The following CCDC158 variants were observed in gnomAD, a reference collection of about 807,000 sequenced individuals.
CCDC158 encodes the protein coiled-coil domain-containing protein 158.
CCDC158 carries 116 observed loss-of-function variants against 138.6 expected under a neutral mutation model. That is an observed-to-expected ratio of 0.84 (90% CI 0.72 to 0.98). The LOEUF is 0.98. CCDC158 is among the 50% of genes least tolerant of loss of function. CCDC158 has a pLI of 0.00. For synonymous variants in CCDC158, 436 were observed against 442.4 expected, an observed-to-expected ratio of 0.99 and a Z score of 0.18; for missense variants, 1,265 against 1,306.1, an observed-to-expected ratio of 0.97 and a Z score of 0.48.
At chr4:76,405,367 T>G (rs1728734142) in intron 2 of CCDC158, among the ~76,000 whole-genome samples, 1 of 152,224 alleles carries the variant, frequency 6.6e-6, no homozygotes, top group African/African-American at 2.4e-5. Flanking sequence ...GTGCCTCTGC[T>G]GAGGATTCTA....
chr4:76,390,055 A>T (rs572722686), intron 4 of CCDC158, among the ~76,000 whole-genome samples: 1 of 152,332 alleles, frequency 6.6e-6, no homozygotes, highest in East Asian at 1.9e-4. Flanking sequence ...TAGTAAGCAC[A>T]CAGAACAATA....
chr4:76,314,149 A>G (rs1015008276), intron 24 of CCDC158, among the ~76,000 whole-genome samples: 1 of 152,164 alleles, frequency 6.6e-6, no homozygotes, highest in African/African-American at 2.4e-5. Context: ...ATTCCCCCTA[A>G]AAATATTTGT....
At chr4:76,330,513 C>G (rs1461600723) in intron 21 of CCDC158, among the ~76,000 whole-genome samples, 1 of 152,070 alleles carries the variant, frequency 6.6e-6, no homozygotes, top group Non-Finnish European at 1.5e-5. Context: ...TTTTAGGCTA[C>G]AAGAAAGATT....
intron 18 of CCDC158, among the ~76,000 whole-genome samples, chr4:76,334,490 T>C (rs1437639602): frequency 2.6e-5 from 4 of 152,194 alleles, no homozygotes; most frequent in Admixed American, 6.5e-5. Context: ...TATTTTCAAG[T>C]ACACCTGGAC....
chr4:76,342,204 T>G (rs1323409589), intron 18 of CCDC158, among the ~76,000 whole-genome samples: 1 of 151,276 alleles, frequency 6.6e-6, no homozygotes, highest in African/African-American at 2.5e-5. Context: ...CATGTCTGAA[T>G]AATTTTTTTA....
At chr4:76,400,005 A>G (rs1728200413) in intron 3 of CCDC158, among the ~76,000 whole-genome samples, 1 of 152,094 alleles carries the variant, frequency 6.6e-6, no homozygotes, top group Non-Finnish European at 1.5e-5. Flanking sequence ...AAAAGAGAGG[A>G]CCAGCATAGG....
chr4:76,367,199 A>G (rs1724758147), intron 12 of CCDC158, 95 bp downstream of exon 12: 1 of 1,325,524 alleles, frequency 7.5e-7, no homozygotes, highest in East Asian at 2.3e-5. Context: ...ACAGTTTCAG[A>G]GTGTCCACAG....
At chr4:76,340,912 C>T (rs1184302118) in intron 18 of CCDC158, among the ~76,000 whole-genome samples, 1 of 152,092 alleles carries the variant, frequency 6.6e-6, no homozygotes, top group African/African-American at 2.4e-5. Flanking sequence ...GGAACTGCTG[C>T]CTTAGGAGAC....
In CCDC158 at chr4:76,362,299, T is replaced by G; in HGVS notation, c.1847A>C (p.Lys616Thr). 1 of 1,611,674 alleles carries G rather than the reference T, an allele frequency of 6.2e-7. No homozygotes were observed. The highest frequency in any genetic ancestry group is 2.2e-5 in the East Asian group (1 of 44,878). The change falls in exon 13 of 25, where the codon AAA becomes ACA. Residue 616 changes from lysine to threonine, a missense_variant. Transcript: ENST00000682701. ...LKELKILKDK[K>T]DAKIRELEAR... ...CTCAAGCTCCCGGATCTTTGCATCT[T>G]TTTTATCTTTTAATATCTAAATATA...
At chr4:76,313,736 C>A (rs1213814268) in intron 24 of CCDC158, among the ~76,000 whole-genome samples, 1 of 152,222 alleles carries the variant, frequency 6.6e-6, no homozygotes, top group East Asian at 1.9e-4. Flanking sequence ...CCCAAGAGGT[C>A]ATTACCATAA....
At chr4:76,415,787 G>A (rs1200553242) in intron 1 of CCDC158, among the ~76,000 whole-genome samples, 1 of 152,176 alleles carries the variant, frequency 6.6e-6, no homozygotes, top group Admixed American at 6.5e-5. Flanking sequence ...TAACGGTAAT[G>A]CCAGTGTCTG....
chr4:76,367,208 A>G, intron 12 of CCDC158, 86 bp downstream of exon 12: 1 of 1,432,072 alleles, frequency 7.0e-7, no homozygotes, highest in South Asian at 1.4e-5. Flanking sequence ...GAGTGTCCAC[A>G]GATACCAAGA....
At chr4:76,372,858 T>C (rs1339496858) in intron 9 of CCDC158, among the ~76,000 whole-genome samples, 1 of 151,284 alleles carries the variant, frequency 6.6e-6, no homozygotes, top group Non-Finnish European at 1.5e-5. Flanking sequence ...CTATAGTTCT[T>C]TTTTTTTTGA....
In CCDC158 at chr4:76,355,332, C is replaced by T. The variant is rs2110188343; in HGVS notation, c.2278G>A (p.Ala760Thr). 1 of 1,610,048 alleles carries T rather than the reference C, an allele frequency of 6.2e-7. No homozygotes were observed. The highest frequency in any genetic ancestry group is 1.3e-5 in the African/African-American group (1 of 74,954). The change falls in exon 15 of 25, where the codon GCA becomes ACA. Residue 760 changes from alanine (A) to threonine (T), a missense_variant. Ala to Thr is a moderately conservative substitution (Grantham distance 58). Transcript: ENST00000682701. The stretch of plus-strand genomic sequence containing the variant: ...TGAGGACAGCAACCCACCTTATTTG[C>T]ATTTGTCATTGCCTCTTCCAAAAAC... ...IQFLEEAMTN[A>T]NKEKHFLKEE... is the part of the protein sequence containing the mutation.
chr4:76,359,978 A>C (rs566348077), intron 13 of CCDC158, among the ~76,000 whole-genome samples: 1 of 152,380 alleles, frequency 6.6e-6, no homozygotes, highest in African/African-American at 2.4e-5. Flanking sequence ...ACTGGCCTGG[A>C]GGCCTAGAAG....
intron 19 of CCDC158, 24 bp from the exon 20 acceptor site, chr4:76,332,515 G>A (rs374897875): frequency 1.3e-6 from 2 of 1,537,498 alleles, no homozygotes; most frequent in Non-Finnish European, 1.8e-6. Context: ...ATAACTCTCA[G>A]TTAATCATAT....
upstream of CCDC158, chr4:76,421,678 C>A (rs1730140779): frequency 7.2e-6 from 1 of 139,154 alleles, no homozygotes. Flanking sequence ...CCCCACCTCA[C>A]CCCCCCCTCC....
At position 76,383,657 on chromosome 4, in the gene CCDC158, C is replaced by A. The variant is rs770814199; in HGVS notation, c.803+5G>T. ...GGCTTTTCCATACCTCAGTCAGAAA[C>A]CTACCTATCTTGGTGTTGTTGCAGA... On this transcript the variant is annotated splice_donor_5th_base_variant and intron_variant, in intron 7 of 24. Coordinates refer to ENST00000682701, the MANE Select transcript of CCDC158 (RefSeq NM_001394954.1). The A allele has an allele frequency of 5.6e-6, 9 of 1,607,608 alleles. No homozygotes were observed. The African/African-American group carries it at 1.2e-4, about 22-fold the overall frequency.
intron 18 of CCDC158, chr4:76,345,312 A>G (rs557435703): frequency 6.5e-5 from 71 of 1,084,398 alleles, no homozygotes; most frequent in Non-Finnish European, 9.0e-5. Flanking sequence ...ATACAGACAC[A>G]CCAAAGCCCT....
Sources: gnomAD v4.1 joint callset for allele counts (sites outside exome capture counted in the v4.1 genomes callset) on GRCh38, gnomAD v4.1.1 for gene constraint, MANE v1.5 for transcripts, NCBI Gene and HGNC (gene_info 2026-07-23, HGNC 2026-07-21) for gene names.